GNA13: variants seen among roughly 807,000 people sequenced by gnomAD.
The protein encoded by GNA13 is guanine nucleotide-binding protein subunit alpha-13.
GNA13 carries 4 observed loss-of-function variants against 33.5 expected under a neutral mutation model. The ratio of observed to expected loss-of-function variants is 0.12; its 90% CI spans 0.06 to 0.27. The LOEUF (loss-of-function observed/expected upper bound fraction) is 0.27, where lower values mean the gene tolerates loss of function less well. GNA13 is among the 10% of genes least tolerant of loss of function. The probability of loss-of-function intolerance (pLI) is 1.00; values close to 1 mark genes in which losing one functional copy is unlikely to be tolerated. For missense variants in GNA13, 319 were observed against 487.2 expected, an observed-to-expected ratio of 0.65 and a Z score of 3.25; for synonymous variants, 176 against 183.8, an observed-to-expected ratio of 0.96 and a Z score of 0.34.
chr17:65,030,778 C>T (rs1370278940), intron 2 of GNA13, among the ~76,000 whole-genome samples: 2 of 152,076 alleles, frequency 1.3e-5, no homozygotes, highest in Non-Finnish European at 1.5e-5. Flanking sequence ...TTTGGGAGGC[C>T]AAGATCAGAG....
At chr17:65,018,092 TAAAAAAAAAAAA>T (rs767082596) in intron 3 of GNA13, among the ~76,000 whole-genome samples, 149 bp downstream of exon 3, 274 of 21,486 alleles carry the variant, frequency 0.013, 5 homozygotes, top group Non-Finnish European at 0.021. Context: ...ACGCCACCAC[TAAAAAAAAAAAA>T]AAAAAAAAAA....
chr17:65,050,662 T>C (rs1480639167), intron 2 of GNA13, among the ~76,000 whole-genome samples: 1 of 151,826 alleles, frequency 6.6e-6, no homozygotes, highest in African/African-American at 2.4e-5. Context: ...AGCCCAGGAG[T>C]TGAGTCTACA....
intron 2 of GNA13, among the ~76,000 whole-genome samples, chr17:65,036,668 T>C (rs1351381501): frequency 6.6e-6 from 1 of 152,242 alleles, no homozygotes; most frequent in Non-Finnish European, 1.5e-5. Context: ...ATCGTGCCAC[T>C]GCACTCCAGC....
At chr17:65,053,288 T>C (rs965749931) in intron 2 of GNA13, 17 of 554,894 alleles carry the variant, frequency 3.1e-5, no homozygotes, top group Middle Eastern at 4.7e-4. Flanking sequence ...CCTTAAGATA[T>C]GTAGCCTAAA....
chr17:65,055,581 C>A (rs779764162), intron 1 of GNA13: 77 of 984,734 alleles, frequency 7.8e-5, no homozygotes, highest in Non-Finnish European at 8.6e-5. Flanking sequence ...AAATCACACG[C>A]AAACATCCTA....
chr17:65,053,457 A>G, intron 2 of GNA13, 45 bp downstream of exon 2: 2 of 1,198,640 alleles, frequency 1.7e-6, no homozygotes, highest in Non-Finnish European at 2.5e-6. Context: ...ATTACTAAAC[A>G]TCATTAAAAT....
rs149393322 is a variant in GNA13 at position 65,056,405 on chromosome 17, G to T, written c.189C>A (p.Thr63=). The T allele has an allele frequency of 6.2e-7, 1 of 1,613,788 alleles. No individual in the cohort carries two copies. Among genetic ancestry groups the T allele is most frequent in the Non-Finnish European group, 8.5e-7 (1 of 1,179,916 alleles). ...GGATGATCCGCATCTGCTTCAGGAA[G>T]GTGGACTTGCCGCTCTCGCCCGCGC... ...LLGAGESGKS[T]FLKQMRIIHG... is the part of the protein sequence containing the mutation. The change falls in exon 1 of 4, where the codon ACC becomes ACA. Residue 63 remains threonine, a synonymous_variant. Transcript: ENST00000439174.
intron 2 of GNA13, among the ~76,000 whole-genome samples, chr17:65,051,653 G>A (rs1481346240): frequency 6.6e-6 from 1 of 152,108 alleles, no homozygotes; most frequent in Non-Finnish European, 1.5e-5. Context: ...GATGGGCGAT[G>A]GAAAGGGGTA....
At chr17:65,028,003 C>T (rs1432588551) in intron 2 of GNA13, among the ~76,000 whole-genome samples, 3 of 152,096 alleles carry the variant, frequency 2.0e-5, no homozygotes, top group Non-Finnish European at 2.9e-5. Context: ...CTCTGGGAGG[C>T]CGAGGTGGGC....
At position 65,010,207 on chromosome 17, in the gene GNA13, C is replaced by T. The variant is rs1331323198; in HGVS notation, c.*4050G>A. Among the ~76,000 whole-genome samples, 2 of 152,170 alleles carry T rather than the reference C, an allele frequency of 1.3e-5. No homozygotes were observed. Among genetic ancestry groups the T allele is most frequent in the Non-Finnish European group, 2.9e-5 (2 of 68,028 alleles). On this transcript the variant is annotated 3_prime_UTR_variant, in exon 4 of 4. Transcript: ENST00000439174. The stretch of plus-strand genomic sequence containing the variant: ...ACGTTCAAGTACAGACATAAGAATG[C>T]TAGTGGTACAAACACTGTACTCCAA...
chr17:65,056,658 G>T lies in GNA13; in HGVS notation c.-65C>A. The T allele has an allele frequency of 2.2e-6, 3 of 1,382,912 alleles. No individual in the cohort carries two copies. Among genetic ancestry groups the T allele is most frequent in the South Asian group, 1.4e-5 (1 of 72,396 alleles). 85.7% of individuals were successfully genotyped at this position (1,382,912 alleles called of 1,614,324 possible). A position where few individuals can be genotyped will look rare whatever the true frequency, so the allele number is the denominator to read the frequency against. On this transcript the variant is annotated 5_prime_UTR_variant, in exon 1 of 4. Transcript: ENST00000439174. Reference sequence around the variant, plus strand: ...TCCCTCCACCTCCTCCTCCGGCGGCGGGCGGCTCCGGCACCGAGGCTCGAG... The same window carrying T: ...TCCCTCCACCTCCTCCTCCGGCGGCTGGCGGCTCCGGCACCGAGGCTCGAG...
chr17:65,043,497 G>A lies in GNA13; in HGVS notation c.510+10005C>T, dbSNP rs922401001. Among the ~76,000 whole-genome samples, 8 of 152,058 alleles carry A rather than the reference G, an allele frequency of 5.3e-5. 1 individual carries two copies. Among genetic ancestry groups the A allele is most frequent in the African/African-American group, 9.7e-5 (4 of 41,384 alleles). On this transcript the variant is annotated intron_variant, in intron 2 of 3. Coordinates refer to ENST00000439174, the MANE Select transcript of GNA13 (RefSeq NM_006572.6). ...AGGCAGGCTTTTAGCATGTTGCCCA[G>A]GCTGGTCTCAAACTCCTGGACTCAA...
intron 2 of GNA13, among the ~76,000 whole-genome samples, chr17:65,029,441 T>C (rs2143793050): frequency 6.6e-6 from 1 of 152,348 alleles, no homozygotes; most frequent in African/African-American, 2.4e-5. Context: ...AGTAACCTTA[T>C]GCTCCATTTT....
intron 2 of GNA13, among the ~76,000 whole-genome samples, chr17:65,046,396 T>A (rs939065685): frequency 1.3e-5 from 2 of 152,112 alleles, no homozygotes; most frequent in African/African-American, 4.8e-5. Flanking sequence ...GCTCAAGCAA[T>A]CTCCTTCTCT....
chr17:65,026,628 ACTT>A (rs1374738630), intron 2 of GNA13, among the ~76,000 whole-genome samples: 2 of 152,204 alleles, frequency 1.3e-5, no homozygotes, highest in African/African-American at 4.8e-5. Context: ...AAAATACAGA[ACTT>A]CTAGATCATT....
At chr17:65,040,950 C>T (rs1907429619) in intron 2 of GNA13, among the ~76,000 whole-genome samples, 1 of 152,208 alleles carries the variant, frequency 6.6e-6, no homozygotes, top group Non-Finnish European at 1.5e-5. Context: ...GGGACAGCTG[C>T]TCATTGCTAG....
At chr17:65,056,261 G>GCCC in intron 1 of GNA13, 50 bp downstream of exon 1, 1 of 560,696 alleles carries the variant, frequency 1.8e-6, no homozygotes, top group Non-Finnish European at 3.0e-6. Context: ...ACCCGCCGCC[G>GCCC]CCCCAGCCCC....
At chr17:65,031,967 A>C (rs1907063848) in intron 2 of GNA13, among the ~76,000 whole-genome samples, 1 of 148,228 alleles carries the variant, frequency 6.7e-6, no homozygotes, top group African/African-American at 2.5e-5. Context: ...TATAAAAGAG[A>C]CCTAGATATA....
chr17:65,032,092 A>C (rs949623015), intron 2 of GNA13, among the ~76,000 whole-genome samples: 1 of 152,198 alleles, frequency 6.6e-6, no homozygotes, highest in African/African-American at 2.4e-5. Flanking sequence ...CTTATAATGA[A>C]GTCTATTCAG....
Sources: allele counts gnomAD v4.1 joint callset (sites outside exome capture counted in the v4.1 genomes callset), GRCh38; gene constraint gnomAD v4.1.1; transcripts MANE v1.5; gene names NCBI Gene and HGNC (gene_info 2026-07-23, HGNC 2026-07-21).